Variants in SOX5 observed in about 807,000 individuals in gnomAD.
SOX5 encodes the protein transcription factor SOX-5.
In SOX5, 9 loss-of-function variants were observed where a neutral mutation model predicts 92.0. That is an observed-to-expected ratio of 0.10 (90% CI 0.06 to 0.17). SOX5 has a LOEUF of 0.17. SOX5 is among the 10% of genes least tolerant of loss of function. SOX5 has a pLI of 1.00. For missense variants in SOX5, 642 were observed against 944.5 expected (o/e 0.68, Z 4.20); for synonymous variants, 344 against 336.3 (o/e 1.02, Z -0.25).
chr12:24,535,672 C>A lies in SOX5; in HGVS notation c.-251+26657G>T, dbSNP rs545324190. ...AGCTGGGTAAGCGCAGTCACTGTTG[C>A]TAGAGCATGAAGTATGAAAATCATA... On this transcript the variant is annotated intron_variant, in intron 1 of 4. Transcript: ENST00000446891. Among the ~76,000 whole-genome samples the A allele has an allele frequency of 1.8e-4, 28 of 152,294 alleles. No individual in the cohort carries two copies. The South Asian group carries it at 4.8e-3, about 26-fold the overall frequency.
At chr12:24,140,263 T>C (rs1392763337) in intron 4 of SOX5, among the ~76,000 whole-genome samples, 1 of 152,088 alleles carries the variant, frequency 6.6e-6, no homozygotes, top group African/African-American at 2.4e-5. Flanking sequence ...GTGGTGGTGT[T>C]AGTAGAGAAT....
At chr12:23,777,098 A>G (rs2095127947) in intron 3 of SOX5, among the ~76,000 whole-genome samples, 2 of 152,210 alleles carry the variant, frequency 1.3e-5, no homozygotes, top group South Asian at 4.1e-4. Flanking sequence ...CAGACACACA[A>G]CAAACATTGG....
Position 24,555,730 on chromosome 12 carries a change from G to C in SOX5, c.-251+6599C>G, listed in dbSNP as rs530601245. On this transcript the variant is annotated intron_variant, in intron 1 of 4. Coordinates refer to the SOX5 transcript ENST00000446891. The stretch of plus-strand genomic sequence containing the variant: ...AAAGAGACCTCAAAGAAATTGCCAG[G>C]TCTCATGTGTGTGAGTGTGTGTGTG... 4.6e-5 allele frequency among the ~76,000 whole-genome samples: 7 copies of C among 152,228 alleles called. 1 individual carries two copies. The highest frequency in any genetic ancestry group is 1.7e-4 in the African/African-American group (7 of 41,528).
rs555044140 is a variant in SOX5, at chr12:24,255,157, T to C, written c.-77+22059A>G. 7.2e-5 allele frequency among the ~76,000 whole-genome samples: 11 copies of C among 152,282 alleles called. No homozygotes were observed. The East Asian group carries it at 2.1e-3, about 29-fold the overall frequency. On this transcript the variant is annotated intron_variant, in intron 3 of 4. Coordinates refer to the SOX5 transcript ENST00000446891. ...TTCCCCAGTGAACCATTTTAAATAG[T>C]TTTTCCTAATTGTCCAAATATGAAA...
At chr12:24,112,155 T>C (rs1177558935) in intron 4 of SOX5, among the ~76,000 whole-genome samples, 3 of 152,190 alleles carry the variant, frequency 2.0e-5, no homozygotes, top group Non-Finnish European at 4.4e-5. Flanking sequence ...GATTTTGCTA[T>C]TGGAATGGAT....
At chr12:23,747,911 C>G (rs2094046125) in intron 4 of SOX5, among the ~76,000 whole-genome samples, 1 of 148,784 alleles carries the variant, frequency 6.7e-6, no homozygotes, top group Non-Finnish European at 1.5e-5. Context: ...AGAGAACAAG[C>G]CAGAAAAGAA....
intron 4 of SOX5, among the ~76,000 whole-genome samples, chr12:24,106,803 T>C (rs1208775485): frequency 2.5e-5 from 2 of 81,388 alleles, no homozygotes; most frequent in African/African-American, 6.5e-5. Context: ...ATAATAATAA[T>C]AATAATAATA....
At chr12:24,086,442 T>C (rs1593021959) in intron 4 of SOX5, among the ~76,000 whole-genome samples, 2 of 151,946 alleles carry the variant, frequency 1.3e-5, no homozygotes, top group East Asian at 3.9e-4. Flanking sequence ...TACTTGAATG[T>C]AATGTCATGT....
At chr12:24,383,778 T>C (rs1958074576) in intron 1 of SOX5, among the ~76,000 whole-genome samples, 1 of 152,134 alleles carries the variant, frequency 6.6e-6, no homozygotes, top group South Asian at 2.1e-4. Context: ...GTACTGGGGC[T>C]TGGGGAGTGG....
chr12:23,999,313 G>C (rs948734861), intron 4 of SOX5, among the ~76,000 whole-genome samples: 2 of 152,074 alleles, frequency 1.3e-5, no homozygotes, highest in African/African-American at 4.8e-5. Flanking sequence ...GGGGTTGAAA[G>C]AATTGAGGAG....
intron 4 of SOX5, among the ~76,000 whole-genome samples, chr12:23,961,559 T>C (rs144896192): frequency 2.8e-3 from 433 of 152,246 alleles, no homozygotes; most frequent in Non-Finnish European, 3.6e-3. Flanking sequence ...AAGGCTAACG[T>C]CTACTCATCC....
intron 7 of SOX5, among the ~76,000 whole-genome samples, chr12:23,652,819 C>G (rs1474716687): frequency 6.6e-6 from 1 of 152,030 alleles, no homozygotes; most frequent in African/African-American, 2.4e-5. Flanking sequence ...CCTCTGCTAA[C>G]GAAATTCGTT....
intron 2 of SOX5, among the ~76,000 whole-genome samples, chr12:24,341,874 T>A (rs1380204889): frequency 1.3e-5 from 2 of 152,198 alleles, no homozygotes; most frequent in East Asian, 3.9e-4. Flanking sequence ...CTTTGGCTCC[T>A]GGGTTCTGGT....
At chr12:23,669,610 T>C (rs2084413927) in intron 6 of SOX5, among the ~76,000 whole-genome samples, 1 of 149,492 alleles carries the variant, frequency 6.7e-6, no homozygotes, top group African/African-American at 2.5e-5. Context: ...GAACAGATTA[T>C]GAGGGCTAGA....
At chr12:24,084,035 A>T (rs1943674984) in intron 4 of SOX5, among the ~76,000 whole-genome samples, 1 of 152,020 alleles carries the variant, frequency 6.6e-6, no homozygotes, top group African/African-American at 2.4e-5. Flanking sequence ...GCAAGAGGAA[A>T]GGAGGAAAGG....
chr12:24,142,712 T>C (rs1481442150), intron 4 of SOX5, among the ~76,000 whole-genome samples: 1 of 151,782 alleles, frequency 6.6e-6, no homozygotes. Flanking sequence ...AGCCCTTTGA[T>C]TGGCCCAGCT....
chr12:24,157,506 T>C (rs2138929432), intron 4 of SOX5, among the ~76,000 whole-genome samples: 1 of 152,264 alleles, frequency 6.6e-6, no homozygotes, highest in East Asian at 1.9e-4. Context: ...AATCTCTAAA[T>C]GCTTACTTGT....
At chr12:24,501,748 G>T (rs1948227192) in intron 1 of SOX5, among the ~76,000 whole-genome samples, 1 of 152,146 alleles carries the variant, frequency 6.6e-6, no homozygotes. Context: ...GATTGCTTGA[G>T]CTGGGGAGGT....
chr12:24,270,110 G>A (rs746933331), intron 3 of SOX5, among the ~76,000 whole-genome samples: 1 of 151,612 alleles, frequency 6.6e-6, no homozygotes, highest in Non-Finnish European at 1.5e-5. Flanking sequence ...CGTCCAGGCT[G>A]GAGTGCAGTG....
Sources: gnomAD v4.1 joint callset for allele counts (sites outside exome capture counted in the v4.1 genomes callset) on GRCh38, gnomAD v4.1.1 for gene constraint, MANE v1.5 for transcripts, NCBI Gene and HGNC (gene_info 2026-07-23, HGNC 2026-07-21) for gene names.